MAP2K5: variants seen among roughly 807,000 people sequenced by gnomAD.
MAP2K5 encodes mitogen-activated protein kinase kinase 5.
MAP2K5 carries 49 observed loss-of-function variants against 83.1 expected under a neutral mutation model. The observed-to-expected ratio is 0.59, with a 90% CI of 0.47 to 0.75. The LOEUF is 0.75. Ranked by LOEUF, MAP2K5 falls within the 30% of genes least tolerant of loss-of-function variation. MAP2K5 has a pLI of 0.00. For missense variants in MAP2K5, 457 were observed against 557.5 expected (o/e 0.82, Z 1.82); for synonymous variants, 202 against 191.8 (o/e 1.05, Z -0.44).
At chr15:67,635,539 G>C (rs910632930) in intron 9 of MAP2K5, among the ~76,000 whole-genome samples, 1 of 152,004 alleles carries the variant, frequency 6.6e-6, no homozygotes, top group Non-Finnish European at 1.5e-5. Context: ...TTTTATTCCT[G>C]TATTTACCAA....
rs2087435906 is a variant in MAP2K5, at chr15:67,668,216, CT to C, written c.847+3574del. ...TTTTATTATAACCATGAATTAATCA[CT>C]TTATTCAGTTAATAAGAATACACCA... On this transcript the variant is annotated intron_variant, in intron 13 of 21. Transcript: ENST00000178640. This position sits in a 1 kb window ranked among gnomAD's most constrained non-coding sequence, Gnocchi z 4.0. Among the ~76,000 whole-genome samples the C allele has an allele frequency of 6.6e-6, 1 of 152,100 alleles. No individual in the cohort carries two copies. The highest frequency in any genetic ancestry group is 2.4e-5 in the African/African-American group (1 of 41,422).
intron 3 of MAP2K5, among the ~76,000 whole-genome samples, chr15:67,569,047 C>T (rs187550728): frequency 1.3e-5 from 2 of 149,798 alleles, no homozygotes. Context: ...ACTCTGTGGG[C>T]GTCTGAAGGT....
chr15:67,688,943 T>C (rs1596798216), intron 13 of MAP2K5, among the ~76,000 whole-genome samples: 1 of 152,232 alleles, frequency 6.6e-6, no homozygotes, highest in Admixed American at 6.5e-5. Context: ...GCAAATTTAA[T>C]GTATCATTTA....
chr15:67,669,264 A>G (rs1188272164), intron 13 of MAP2K5, among the ~76,000 whole-genome samples: 2 of 152,194 alleles, frequency 1.3e-5, no homozygotes, highest in East Asian at 3.8e-4. Context: ...TTCTTAAACA[A>G]TAACATACAT....
intron 13 of MAP2K5, among the ~76,000 whole-genome samples, chr15:67,683,439 A>G (rs148344884): frequency 6.6e-6 from 1 of 152,312 alleles, no homozygotes; most frequent in East Asian, 1.9e-4. Context: ...AGGTCAATAC[A>G]ATGAACAAAA....
At chr15:67,667,766 A>G (rs545234132) in intron 13 of MAP2K5, among the ~76,000 whole-genome samples, 1 of 152,346 alleles carries the variant, frequency 6.6e-6, no homozygotes, top group African/African-American at 2.4e-5. Context: ...TCGCATTTAT[A>G]TGGCTTCCTT....
At chr15:67,588,039 T>C (rs1385340909) in intron 6 of MAP2K5, 4 of 965,952 alleles carry the variant, frequency 4.1e-6, no homozygotes, top group African/African-American at 1.8e-5. Context: ...TGGAGCCATC[T>C]TGCCAGTGTA....
rs1401805988 is a variant in MAP2K5, at chr15:67,747,887, G to A, written c.1075-344G>A. Among the ~76,000 whole-genome samples, 1 of 152,160 alleles carries A rather than the reference G, an allele frequency of 6.6e-6. No homozygotes were observed. The highest frequency in any genetic ancestry group is 1.5e-5 in the Non-Finnish European group (1 of 68,040). ...AAAAAGAGTGAGCTTCGTAACATTAGCAATGATTGCAACATTAAGCCCAGT... is the reference window on the plus strand; with the variant it reads ...AAAAAGAGTGAGCTTCGTAACATTAACAATGATTGCAACATTAAGCCCAGT... On this transcript the variant is annotated intron_variant, in intron 17 of 21. Transcript: ENST00000178640. The surrounding 1 kb of genome is among the most constrained non-coding windows in gnomAD (Gnocchi z 4.1).
chr15:67,799,196 A>G (rs2090659400), intron 21 of MAP2K5, among the ~76,000 whole-genome samples: 1 of 152,248 alleles, frequency 6.6e-6, no homozygotes, highest in Non-Finnish European at 1.5e-5. Context: ...AAAATAATAA[A>G]TCAGAGGCCA....
chr15:67,727,774 C>A, intron 16 of MAP2K5, 142 bp from the exon 17 acceptor site: 1 of 737,234 alleles, frequency 1.4e-6, no homozygotes, highest in Non-Finnish European at 2.5e-6. Flanking sequence ...GTAATTACAG[C>A]AATAATTTAG....
intron 21 of MAP2K5, among the ~76,000 whole-genome samples, chr15:67,787,255 C>T (rs890469747): frequency 3.3e-5 from 5 of 152,246 alleles, no homozygotes; most frequent in African/African-American, 1.2e-4. Context: ...TTGCGAAGGT[C>T]TCTAGCCAAA....
At chr15:67,674,976 G>T (rs2087641467) in intron 13 of MAP2K5, among the ~76,000 whole-genome samples, 1 of 152,042 alleles carries the variant, frequency 6.6e-6, no homozygotes, top group African/African-American at 2.4e-5. Context: ...CAGAAAATTG[G>T]ATCACTAATA....
intron 1 of MAP2K5, among the ~76,000 whole-genome samples, chr15:67,548,442 T>C (rs1444930043): frequency 6.6e-6 from 1 of 152,268 alleles, no homozygotes; most frequent in Non-Finnish European, 1.5e-5. Context: ...ATATTCCAGT[T>C]ATTGGTGTTT....
intron 17 of MAP2K5, among the ~76,000 whole-genome samples, chr15:67,734,718 CTT>C (rs1403757686): frequency 1.3e-5 from 2 of 152,116 alleles, no homozygotes; most frequent in African/African-American, 2.4e-5. Context: ...AGTTTGCACT[CTT>C]TGAAAAGAGG....
chr15:67,723,482 A>G (rs1405392732), intron 16 of MAP2K5, among the ~76,000 whole-genome samples: 6 of 152,164 alleles, frequency 3.9e-5, no homozygotes, highest in Non-Finnish European at 8.8e-5. Flanking sequence ...ACTTCAGACC[A>G]TTCTTTTTCA....
rs2085442524 is a variant in MAP2K5, at chr15:67,592,800, G to A, written c.432-126G>A. The A allele has an allele frequency of 4.6e-6, 3 of 655,280 alleles. No individual in the cohort carries two copies. In the East Asian group the frequency reaches 9.1e-5, roughly 20 times the overall value. 40.6% of individuals were successfully genotyped at this position (655,280 alleles called of 1,614,324 possible). ...TACTTTTGAAAAAAATTTACATTGG[G>A]AGAAGGATGTGAAGAATATGCTCAA... On this transcript the variant is annotated intron_variant, in intron 6 of 21. Transcript: ENST00000178640.
chr15:67,717,538 A>G lies in MAP2K5; in HGVS notation c.1045-10378A>G, dbSNP rs2088856555. Among the ~76,000 whole-genome samples, 1 of 152,202 alleles carries G rather than the reference A, an allele frequency of 6.6e-6. No individual in the cohort carries two copies. Among genetic ancestry groups the G allele is most frequent in the Non-Finnish European group, 1.5e-5 (1 of 68,032 alleles). The stretch of plus-strand genomic sequence containing the variant: ...GGCTGACATGAGTGTCAGAGAAAGC[A>G]TTTCAGTTATTGATTACTGCTTAAT... On this transcript the variant is annotated intron_variant, in intron 16 of 21. Transcript: ENST00000178640. This position sits in a 1 kb window ranked among gnomAD's most constrained non-coding sequence, Gnocchi z 4.1.
chr15:67,581,927 G>T (rs961219781), intron 4 of MAP2K5, among the ~76,000 whole-genome samples: 6 of 152,088 alleles, frequency 3.9e-5, no homozygotes, highest in Non-Finnish European at 5.9e-5. Flanking sequence ...GCTATTTAAG[G>T]CCAGTGATAG....
At position 67,654,957 on chromosome 15, in the gene MAP2K5, C is replaced by T. The variant is rs138141425; in HGVS notation, c.737-3596C>T. 7.5e-3 allele frequency among the ~76,000 whole-genome samples: 1,138 copies of T among 151,548 alleles called. 13 individuals are homozygous for T. The highest frequency in any genetic ancestry group is 0.026 in the African/African-American group (1,062 of 41,318). ...GTGCATGCCTGTAATCCCAGCTACT[C>T]GGGAGGCTGAGGCTGGAGAATAGCT... On this transcript the variant is annotated intron_variant, in intron 11 of 21. Coordinates refer to ENST00000178640, the MANE Select transcript of MAP2K5 (RefSeq NM_145160.3).
Sources: gnomAD v4.1 joint callset for allele counts (sites outside exome capture counted in the v4.1 genomes callset) on GRCh38, gnomAD v4.1.1 for gene constraint, Gnocchi (gnomAD v3.1) non-coding constraint, MANE v1.5 for transcripts, NCBI Gene and HGNC (gene_info 2026-07-23, HGNC 2026-07-21) for gene names.